DMD: variants seen among roughly 807,000 people sequenced by gnomAD.
DMD encodes the protein mutant dystrophin.
Under a neutral mutation model 330.1 loss-of-function variants are expected in DMD, and 63 were observed. The ratio of observed to expected loss-of-function variants is 0.19; its 90% CI spans 0.16 to 0.24. The LOEUF (loss-of-function observed/expected upper bound fraction) is 0.24. Among genes scored for constraint, DMD ranks in the 10% least tolerant of loss-of-function variants. DMD has a pLI of 1.00. For synonymous variants in DMD, 1,223 were observed against 959.8 expected (o/e 1.27, Z -5.07); for missense variants, 3,344 against 2,684.1 (o/e 1.25, Z -5.43).
At chrX:32,645,746 C>T (rs1433236192) in intron 9 of DMD, among the ~76,000 whole-genome samples, 2 of 111,929 alleles carry the variant, frequency 1.8e-5, no homozygotes, top group Non-Finnish European at 3.8e-5. Context: ...CAGAAGGCCA[C>T]GATTTAAATA....
intron 6 of DMD, among the ~76,000 whole-genome samples, chrX:32,809,817 C>T (rs956019768): frequency 3.8e-5 from 4 of 104,299 alleles, no homozygotes; most frequent in Non-Finnish European, 3.9e-5. Flanking sequence ...TGTGGTGGCT[C>T]ATGCCTGTAA....
At chrX:32,835,027 G>C (rs1413012860) in intron 4 of DMD, among the ~76,000 whole-genome samples, 1 of 111,153 alleles carries the variant, frequency 9.0e-6, no homozygotes, top group Non-Finnish European at 1.9e-5. Context: ...TAATTTCTAA[G>C]TTCCTTTACC....
chrX:32,071,680 T>C (rs1490762317), intron 44 of DMD, among the ~76,000 whole-genome samples: 4 of 107,517 alleles, frequency 3.7e-5, no homozygotes, highest in African/African-American at 1.4e-4. Context: ...CTCAGAAATA[T>C]CAAAAAAAAG....
intron 47 of DMD, among the ~76,000 whole-genome samples, chrX:31,880,946 T>C (rs1309629428): frequency 2.7e-5 from 3 of 111,824 alleles, no homozygotes; most frequent in Non-Finnish European, 5.6e-5. Context: ...GATAGTTTCA[T>C]GAATGTTTCA....
At chrX:32,843,015 C>T (rs1348943553) in intron 4 of DMD, among the ~76,000 whole-genome samples, 1 of 111,270 alleles carries the variant, frequency 9.0e-6, no homozygotes, top group Non-Finnish European at 1.9e-5. Flanking sequence ...GCCATGGTGG[C>T]CAGGCTGGTC....
At chrX:31,700,185 CAA>C (rs61258230) in intron 52 of DMD, among the ~76,000 whole-genome samples, 51 of 81,459 alleles carry the variant, frequency 6.3e-4, no homozygotes, top group African/African-American at 1.9e-3. Context: ...GACTCTGTCT[CAA>C]AAAAAAAAAA....
intron 53 of DMD, among the ~76,000 whole-genome samples, chrX:31,662,299 G>GCAT (rs2081173825): frequency 1.8e-5 from 2 of 111,431 alleles, no homozygotes; most frequent in Non-Finnish European, 1.9e-5. Flanking sequence ...ATCAGCATCA[G>GCAT]CATCATCATC....
At chrX:31,382,790 G>C (rs891266541) in intron 60 of DMD, among the ~76,000 whole-genome samples, 11 of 110,666 alleles carry the variant, frequency 9.9e-5, no homozygotes, top group African/African-American at 3.3e-4. Context: ...CGCCACCCCT[G>C]ATCCACCTCG....
At chrX:31,291,907 T>C (rs764766584) in intron 62 of DMD, among the ~76,000 whole-genome samples, 1 of 111,162 alleles carries the variant, frequency 9.0e-6, no homozygotes, top group Non-Finnish European at 1.9e-5. Context: ...CAACTAGATA[T>C]CCATATTATG....
At chrX:33,134,076 T>C (rs186954438) in intron 1 of DMD, among the ~76,000 whole-genome samples, 2 of 111,770 alleles carry the variant, frequency 1.8e-5, no homozygotes, top group East Asian at 5.6e-4. Context: ...TGCACAGACA[T>C]CTTACAACAT....
intron 78 of DMD, among the ~76,000 whole-genome samples, chrX:31,122,680 C>T (rs1349238240): frequency 9.0e-6 from 1 of 111,662 alleles, no homozygotes; most frequent in Non-Finnish European, 1.9e-5. Flanking sequence ...ATAAGGTGAC[C>T]CACATGTATT....
chrX:31,640,930 G>T (rs150016701), intron 54 of DMD, among the ~76,000 whole-genome samples: 1 of 111,936 alleles, frequency 8.9e-6, no homozygotes, highest in Non-Finnish European at 1.9e-5. Context: ...GTCCTTATGC[G>T]CTGTCTTCTA....
chrX:33,033,661 TGAGCC>T (rs1180978360), intron 1 of DMD, among the ~76,000 whole-genome samples: 3 of 108,412 alleles, frequency 2.8e-5, no homozygotes, highest in African/African-American at 1.0e-4. Context: ...GAGCTTGCAG[TGAGCC>T]GAGATCGCGC....
chrX:31,702,854 CTTTTT>C (rs534843685), intron 52 of DMD, among the ~76,000 whole-genome samples: 7 of 89,074 alleles, frequency 7.9e-5, no homozygotes, highest in African/African-American at 2.9e-4. Flanking sequence ...TCAGAGAAGT[CTTTTT>C]TTTTTTTTTT....
At chrX:32,921,944 A>C (rs1332437959) in intron 2 of DMD, among the ~76,000 whole-genome samples, 1 of 111,458 alleles carries the variant, frequency 9.0e-6, no homozygotes, top group Admixed American at 9.6e-5. Context: ...TATGTATGGT[A>C]CATGTAAGGT....
chrX:31,922,828 A>G (rs140058840), intron 47 of DMD, among the ~76,000 whole-genome samples: 256 of 111,930 alleles, frequency 2.3e-3, no homozygotes, highest in Non-Finnish European at 3.8e-3. Context: ...CTTATATACT[A>G]TTGTCATTAA....
intron 44 of DMD, among the ~76,000 whole-genome samples, chrX:32,172,789 T>G (rs1020415526): frequency 8.9e-6 from 1 of 112,019 alleles, no homozygotes; most frequent in Non-Finnish European, 1.9e-5. Context: ...AAAGAGGACA[T>G]TCACAACATG....
intron 44 of DMD, among the ~76,000 whole-genome samples, chrX:32,080,333 T>C (rs139339712): frequency 0.013 from 1,462 of 112,218 alleles, 8 homozygotes; most frequent in South Asian, 0.042. Context: ...AGCATTTCCA[T>C]TAAAAGAACT....
intron 2 of DMD, among the ~76,000 whole-genome samples, chrX:32,915,678 C>T (rs900478231): frequency 8.9e-6 from 1 of 111,903 alleles, no homozygotes; most frequent in Admixed American, 9.5e-5. Context: ...AGTAATTGTT[C>T]CTCACTTGAC....
Sources: gnomAD v4.1 joint callset for allele counts (sites outside exome capture counted in the v4.1 genomes callset) on GRCh38, gnomAD v4.1.1 for gene constraint, MANE v1.5 for transcripts, NCBI Gene and HGNC (gene_info 2026-07-23, HGNC 2026-07-21) for gene names.